Variants in KIFAP3 observed in about 807,000 individuals in gnomAD.
KIFAP3 encodes kinesin associated protein 3.
Under a neutral mutation model 106.5 loss-of-function variants are expected in KIFAP3, and 68 were observed. The ratio of observed to expected loss-of-function variants is 0.64; its 90% CI spans 0.53 to 0.78. The LOEUF is 0.78. Ranked by LOEUF, KIFAP3 falls within the 30% of genes least tolerant of loss-of-function variation. The pLI is 0.00. For synonymous variants in KIFAP3, 320 were observed against 311.5 expected, an observed-to-expected ratio of 1.03 and a Z score of -0.29; for missense variants, 780 against 941.8, an observed-to-expected ratio of 0.83 and a Z score of 2.25.
chr1:170,054,394 G>A (rs188330511), intron 2 of KIFAP3, among the ~76,000 whole-genome samples: 3 of 151,916 alleles, frequency 2.0e-5, no homozygotes, highest in Admixed American at 6.6e-5. Flanking sequence ...TGTGGAAGAC[G>A]GTGTGGCGAT....
rs1440494367 is a variant in KIFAP3, at chr1:169,961,195, T to C, written c.2024A>G (p.Lys675Arg). The C allele has an allele frequency of 1.2e-6, 2 of 1,613,358 alleles. No individual in the cohort carries two copies. Among genetic ancestry groups the C allele is most frequent in the South Asian group, 2.2e-5 (2 of 91,044 alleles). Residue 675 changes from lysine to arginine, a missense_variant, in exon 18 of 20, where the codon AAG (lysine) becomes AGG (arginine). Transcript: ENST00000361580. ...CCACTGAGAGTTATGCCAGCGAAACTTTTCACTCTGAATTTTCTTAGCCCA... is the reference window on the plus strand; with the variant it reads ...CCACTGAGAGTTATGCCAGCGAAACCTTTCACTCTGAATTTTCTTAGCCCA... ...EEWAKKIQSE[K>R]FRWHNSQWLE... is the part of the protein sequence containing the mutation.
intron 5 of KIFAP3, 108 bp from the exon 6 acceptor site, chr1:170,035,661 C>G (rs911811735): frequency 1.7e-6 from 1 of 604,600 alleles, no homozygotes; most frequent in Non-Finnish European, 2.8e-6. Flanking sequence ...TAAGATAGAA[C>G]TGGGACAAAA....
chr1:169,982,968 T>C (rs1183484527), intron 13 of KIFAP3, 101 bp from the exon 14 acceptor site: 1 of 707,432 alleles, frequency 1.4e-6, no homozygotes, highest in Non-Finnish European at 2.1e-6. Flanking sequence ...AAAAAGTAAA[T>C]ATCAAATGTG....
At position 169,949,801 on chromosome 1, in the gene KIFAP3, C is replaced by G. The variant is rs139559617; in HGVS notation, c.2273+4210G>C. On this transcript the variant is annotated intron_variant, in intron 19 of 19. Coordinates refer to ENST00000361580, the MANE Select transcript of KIFAP3 (RefSeq NM_014970.4). ...TGCCTTAGAGCCCTAATGCATTTTG[C>G]ATTAGCTCTAAATGTTGGGAAATCC... is the stretch of plus-strand genomic sequence containing the variant. 6.8e-3 allele frequency among the ~76,000 whole-genome samples: 1,034 copies of G among 152,152 alleles called. 12 individuals are homozygous for G. The highest frequency in any genetic ancestry group is 0.024 in the African/African-American group (982 of 41,540).
intron 9 of KIFAP3, among the ~76,000 whole-genome samples, chr1:170,019,549 C>G (rs1462104202): frequency 6.6e-6 from 1 of 152,078 alleles, no homozygotes; most frequent in Admixed American, 6.6e-5. Context: ...CTCACTATAT[C>G]AACAGTCTTT....
intron 2 of KIFAP3, among the ~76,000 whole-genome samples, chr1:170,054,001 AT>A (rs1303347249): frequency 6.6e-5 from 10 of 152,364 alleles, no homozygotes; most frequent in African/African-American, 2.4e-4. Flanking sequence ...ATGGGATCTA[AT>A]TAAACTAAAG....
intron 15 of KIFAP3, 43 bp downstream of exon 15, chr1:169,981,907 TATTTAAATATTTAAATCAATAA>T: frequency 7.8e-7 from 1 of 1,282,002 alleles, no homozygotes; most frequent in Non-Finnish European, 1.1e-6. Flanking sequence ...CTGCATTTTA[TATTTAAATATTTAAATCAATAA>T]GCTGTTTAGA....
intron 10 of KIFAP3, among the ~76,000 whole-genome samples, chr1:170,005,427 A>C (rs1451605622): frequency 6.6e-6 from 1 of 152,062 alleles, no homozygotes; most frequent in Non-Finnish European, 1.5e-5. Flanking sequence ...TTGCGGCACT[A>C]TTCACAATAG....
At chr1:170,056,661 C>T (rs976147022) in intron 1 of KIFAP3, among the ~76,000 whole-genome samples, 3 of 152,116 alleles carry the variant, frequency 2.0e-5, no homozygotes, top group African/African-American at 7.2e-5. Context: ...AATACTTTGA[C>T]TAATTATGCA....
At chr1:169,951,901 A>G (rs1664750553) in intron 19 of KIFAP3, among the ~76,000 whole-genome samples, 1 of 151,886 alleles carries the variant, frequency 6.6e-6, no homozygotes, top group South Asian at 2.1e-4. Flanking sequence ...TATAAGCAAA[A>G]TTTTTCAATA....
At chr1:170,036,625 C>T (rs1453029129) in intron 5 of KIFAP3, among the ~76,000 whole-genome samples, 4 of 152,036 alleles carry the variant, frequency 2.6e-5, no homozygotes, top group Non-Finnish European at 5.9e-5. Flanking sequence ...TCTGGTGTAG[C>T]TTTGTTCAAT....
At chr1:169,960,823 T>C (rs541711) in intron 18 of KIFAP3, among the ~76,000 whole-genome samples, 1 of 152,002 alleles carries the variant, frequency 6.6e-6, no homozygotes, top group Admixed American at 6.6e-5. Flanking sequence ...TAATTTTCCT[T>C]GCTACAGCGT....
At chr1:169,967,466 G>A (rs1665687943) in intron 17 of KIFAP3, among the ~76,000 whole-genome samples, 1 of 151,692 alleles carries the variant, frequency 6.6e-6, no homozygotes, top group Non-Finnish European at 1.5e-5. Context: ...TTGTGTTTCA[G>A]CATCTGCATT....
chr1:170,051,301 T>C (rs1670563295), intron 2 of KIFAP3, among the ~76,000 whole-genome samples: 1 of 152,068 alleles, frequency 6.6e-6, no homozygotes, highest in South Asian at 2.1e-4. Context: ...CTCCTAAATA[T>C]ATATGCACCC....
intron 16 of KIFAP3, among the ~76,000 whole-genome samples, chr1:169,973,135 T>C (rs938068179): frequency 1.2e-4 from 5 of 41,206 alleles, no homozygotes; most frequent in African/African-American, 5.7e-4. Flanking sequence ...ACAACACAAA[T>C]CAGGATTAGA....
chr1:169,950,132 T>G (rs1664652771), intron 19 of KIFAP3, among the ~76,000 whole-genome samples: 1 of 152,132 alleles, frequency 6.6e-6, no homozygotes, highest in Admixed American at 6.6e-5. Context: ...AACCTTGTCA[T>G]TTTATGAAGA....
intron 5 of KIFAP3, 51 bp downstream of exon 5, chr1:170,038,239 T>A: frequency 7.2e-7 from 1 of 1,382,984 alleles, no homozygotes; most frequent in Non-Finnish European, 9.7e-7. Flanking sequence ...TTTGTATAAA[T>A]AACTGTAACT....
At chr1:170,004,676 C>T (rs1389742758) in intron 10 of KIFAP3, among the ~76,000 whole-genome samples, 1 of 151,886 alleles carries the variant, frequency 6.6e-6, no homozygotes, top group Non-Finnish European at 1.5e-5. Context: ...GAAACTGGAT[C>T]CCTTCCTTAC....
chr1:169,944,177 A>C (rs2101818906), intron 19 of KIFAP3, among the ~76,000 whole-genome samples: 1 of 18,750 alleles, frequency 5.3e-5, no homozygotes, highest in African/African-American at 7.5e-4. Flanking sequence ...CCAGGTGTGG[A>C]GCGGCGAGGT....
Sources: allele counts gnomAD v4.1 joint callset (sites outside exome capture counted in the v4.1 genomes callset), GRCh38; gene constraint gnomAD v4.1.1; transcripts MANE v1.5; gene names NCBI Gene and HGNC (gene_info 2026-07-23, HGNC 2026-07-21).